Variants in SIK3 observed in about 807,000 individuals in gnomAD.
SIK3 encodes serine/threonine-protein kinase SIK3.
In SIK3, 28 loss-of-function variants were observed where a neutral mutation model predicts 144.2. The ratio of observed to expected loss-of-function variants is 0.19; its 90% CI spans 0.14 to 0.27. The LOEUF is 0.27. SIK3 is among the 10% of genes least tolerant of loss of function. The pLI is 1.00. For missense variants in SIK3, 1,319 were observed against 1,776.0 expected (o/e 0.74, Z 4.62); for synonymous variants, 686 against 676.3 (o/e 1.01, Z -0.22).
intron 1 of SIK3, among the ~76,000 whole-genome samples, chr11:116,981,293 C>A (rs531638228): frequency 8.5e-5 from 13 of 152,172 alleles, no homozygotes; most frequent in Non-Finnish European, 1.6e-4. Flanking sequence ...CAGTACTGAC[C>A]ATCAGCTGGA....
intron 1 of SIK3, among the ~76,000 whole-genome samples, chr11:116,958,940 C>T (rs1229531070): frequency 1.3e-5 from 2 of 152,174 alleles, no homozygotes; most frequent in African/African-American, 2.4e-5. Context: ...GAACAAATAG[C>T]TTGGTCTTAA....
chr11:117,076,212 T>C lies in SIK3; in HGVS notation c.273+21931A>G, dbSNP rs149645480. 8.7e-4 allele frequency among the ~76,000 whole-genome samples: 132 copies of C among 152,266 alleles called. 1 individual carries two copies. Among genetic ancestry groups the C allele is most frequent in the African/African-American group, 2.9e-3 (120 of 41,560 alleles). On this transcript the variant is annotated intron_variant, in intron 1 of 24. Coordinates refer to ENST00000445177, the MANE Select transcript of SIK3 (RefSeq NM_001366686.3). Reference sequence around the variant, plus strand: ...CATCACAAGCCTTGGAAGAGCTCTCTAAATCAGAACACTTCCTACCTTCAG... The same window carrying C: ...CATCACAAGCCTTGGAAGAGCTCTCCAAATCAGAACACTTCCTACCTTCAG...
intron 1 of SIK3, among the ~76,000 whole-genome samples, chr11:117,057,390 T>TA (rs1591626442): frequency 6.6e-6 from 1 of 152,208 alleles, no homozygotes. Flanking sequence ...GCACCTATTC[T>TA]TTTAACCAAG....
chr11:116,919,588 G>A (rs2135052417), intron 4 of SIK3, among the ~76,000 whole-genome samples: 1 of 152,286 alleles, frequency 6.6e-6, no homozygotes. Context: ...CTAAGCATTT[G>A]AAAGAACTTT....
At chr11:117,062,243 T>G (rs900599802) in intron 1 of SIK3, among the ~76,000 whole-genome samples, 1 of 152,222 alleles carries the variant, frequency 6.6e-6, no homozygotes, top group Non-Finnish European at 1.5e-5. Context: ...AATAGGCTAA[T>G]ATTTCAGCAG....
At chr11:116,847,688 G>A in intron 22 of SIK3, 80 bp from the exon 23 acceptor site, 1 of 1,587,612 alleles carries the variant, frequency 6.3e-7, no homozygotes, top group South Asian at 1.1e-5. Flanking sequence ...TGGTCCTTCT[G>A]AAGGAGCCCA....
intron 3 of SIK3, among the ~76,000 whole-genome samples, chr11:116,929,829 C>T (rs1947499598): frequency 6.6e-6 from 1 of 152,216 alleles, no homozygotes; most frequent in Non-Finnish European, 1.5e-5. Context: ...ATAGGGAATA[C>T]TTAAACATCT....
intron 6 of SIK3, among the ~76,000 whole-genome samples, chr11:116,895,174 C>T (rs1459682694): frequency 6.6e-6 from 1 of 152,184 alleles, no homozygotes; most frequent in Non-Finnish European, 1.5e-5. Flanking sequence ...ACCGCTCCTT[C>T]CTTCCAGGCA....
intron 1 of SIK3, among the ~76,000 whole-genome samples, chr11:117,063,241 T>C (rs1231257967): frequency 1.3e-5 from 2 of 152,232 alleles, no homozygotes; most frequent in African/African-American, 4.8e-5. Context: ...TCTAAAACTG[T>C]TAGCTTCAAT....
intron 3 of SIK3, among the ~76,000 whole-genome samples, chr11:116,933,689 G>C (rs1018682083): frequency 8.6e-5 from 13 of 151,672 alleles, no homozygotes; most frequent in African/African-American, 2.9e-4. Flanking sequence ...TGCCCATGTT[G>C]GAGTGCAGTG....
intron 4 of SIK3, among the ~76,000 whole-genome samples, chr11:116,909,313 T>C (rs1354388449): frequency 6.9e-6 from 1 of 144,542 alleles, no homozygotes; most frequent in Non-Finnish European, 1.5e-5. Context: ...GCAAAACTAC[T>C]AAAAGAAAAA....
At chr11:117,006,478 G>C (rs1951050461) in intron 1 of SIK3, among the ~76,000 whole-genome samples, 1 of 152,134 alleles carries the variant, frequency 6.6e-6, no homozygotes, top group Non-Finnish European at 1.5e-5. Flanking sequence ...TATGAGGAGT[G>C]AAAGTGCGAG....
At chr11:116,967,345 T>C (rs997744606) in intron 1 of SIK3, among the ~76,000 whole-genome samples, 1 of 152,254 alleles carries the variant, frequency 6.6e-6, no homozygotes, top group Non-Finnish European at 1.5e-5. Context: ...TGAACTCAAC[T>C]GCCGTAACAT....
chr11:117,089,234 C>A (rs571481353), intron 1 of SIK3, among the ~76,000 whole-genome samples: 1 of 151,770 alleles, frequency 6.6e-6, no homozygotes, highest in African/African-American at 2.4e-5. Context: ...GGTGAAACGC[C>A]GTCTCTACTA....
intron 4 of SIK3, among the ~76,000 whole-genome samples, chr11:116,918,291 G>A (rs910502037): frequency 2.0e-5 from 3 of 152,116 alleles, no homozygotes; most frequent in African/African-American, 4.8e-5. Context: ...GGTCAGAAGC[G>A]CATGCCATCC....
At chr11:116,903,756 A>C (rs1188454244) in intron 4 of SIK3, among the ~76,000 whole-genome samples, 1 of 152,006 alleles carries the variant, frequency 6.6e-6, no homozygotes. Context: ...TATTTAAAAA[A>C]AATTTTTTTG....
At chr11:116,976,765 G>C (rs1329977109) in intron 1 of SIK3, among the ~76,000 whole-genome samples, 2 of 152,196 alleles carry the variant, frequency 1.3e-5, no homozygotes, top group Admixed American at 1.3e-4. Flanking sequence ...AAAGATTTCT[G>C]ATTGTGGTTT....
intron 1 of SIK3, among the ~76,000 whole-genome samples, chr11:116,963,092 T>C (rs1949406404): frequency 6.6e-6 from 1 of 152,192 alleles, no homozygotes; most frequent in African/African-American, 2.4e-5. Context: ...CTGGCCCAAG[T>C]TACAAGGCTC....
chr11:116,947,923 T>G (rs1236640940), intron 3 of SIK3, among the ~76,000 whole-genome samples: 1 of 150,554 alleles, frequency 6.6e-6, no homozygotes, highest in Non-Finnish European at 1.5e-5. Flanking sequence ...ATTTGTCCAT[T>G]TCATCTAAGC....
Sources: allele counts gnomAD v4.1 joint callset (sites outside exome capture counted in the v4.1 genomes callset), GRCh38; gene constraint gnomAD v4.1.1; transcripts MANE v1.5; gene names NCBI Gene and HGNC (gene_info 2026-07-23, HGNC 2026-07-21).